The following RMND5A variants were observed in gnomAD, a reference collection of about 807,000 sequenced individuals.
The protein encoded by RMND5A is E3 ubiquitin-protein transferase RMND5A.
A neutral mutation model predicts 49.7 loss-of-function variants in RMND5A; 17 were observed. That is an observed-to-expected ratio of 0.34 (90% confidence interval 0.23 to 0.51). The LOEUF is 0.51. RMND5A is among the 20% of genes least tolerant of loss of function. The pLI is 0.96. For missense variants in RMND5A, 255 were observed against 471.3 expected, an observed-to-expected ratio of 0.54 and a Z score of 4.25; for synonymous variants, 156 against 167.7, an observed-to-expected ratio of 0.93 and a Z score of 0.54.
intron 1 of RMND5A, 148 bp downstream of exon 1, chr2:86,720,957 T>C (rs1281134759): frequency 2.6e-5 from 16 of 616,368 alleles, no homozygotes; most frequent in Non-Finnish European, 3.1e-5. Flanking sequence ...CCCCTGAGAC[T>C]TTTTCCCCTC....
At position 86,744,598 on chromosome 2, in the gene RMND5A, C is replaced by T. The variant is rs529754652; in HGVS notation, c.285+3529C>T. On this transcript the variant is annotated intron_variant, in intron 2 of 8. Transcript: ENST00000283632. ...GTATTTTTCCTTTTATATTTTAATA[C>T]TTATGTTTTAAAGTTCCCTACCTAT... Among the ~76,000 whole-genome samples the T allele has an allele frequency of 1.4e-4, 21 of 152,262 alleles. No homozygotes were observed. The South Asian group carries it at 4.4e-3, about 32-fold the overall frequency.
At chr2:86,769,098 T>C (rs1412103656) in intron 6 of RMND5A, among the ~76,000 whole-genome samples, 6 of 152,134 alleles carry the variant, frequency 3.9e-5, no homozygotes, top group African/African-American at 1.4e-4. Context: ...CTACCATACC[T>C]GGCTAATGGC....
chr2:86,765,096 G>A lies in RMND5A; in HGVS notation c.591G>A (p.Leu197=). The change falls in exon 5 of 9, where the codon CTG becomes CTA. Residue 197 remains leucine, a synonymous_variant. Coordinates refer to ENST00000283632, the MANE Select transcript of RMND5A (RefSeq NM_022780.4). ...NSSLEFKLHR[L]YFISLLMGGT... is the part of the protein sequence containing the mutation. Reference sequence around the variant, plus strand: ...CCTTGGAATTTAAGCTACACAGACTGTATTTTATTAGCTTGTTAATGGGTG... The same window carrying A: ...CCTTGGAATTTAAGCTACACAGACTATATTTTATTAGCTTGTTAATGGGTG... The A allele has an allele frequency of 1.2e-6, 2 of 1,614,074 alleles. No homozygotes were observed. The highest frequency in any genetic ancestry group is 1.7e-6 in the Non-Finnish European group (2 of 1,179,964).
intron 4 of RMND5A, 30 bp downstream of exon 4, chr2:86,753,588 A>G: frequency 8.8e-7 from 1 of 1,132,960 alleles, no homozygotes. Flanking sequence ...TCTTTTGAGT[A>G]CTTTGAGAAC....
Position 86,776,916 on chromosome 2 carries a change from G to C in RMND5A, c.*3505G>C, listed in dbSNP as rs896956898. 5.9e-5 allele frequency: 9 copies of C among 152,124 alleles called. No homozygotes were observed. Among genetic ancestry groups the C allele is most frequent in the Non-Finnish European group, 1.3e-4 (9 of 68,038 alleles). 9.4% of individuals were successfully genotyped at this position (152,124 alleles called of 1,614,324 possible). On this transcript the variant is annotated 3_prime_UTR_variant, in exon 9 of 9. Coordinates refer to ENST00000283632, the MANE Select transcript of RMND5A (RefSeq NM_022780.4). ...TTAGCAAGGAACACATAGAAGATTT[G>C]GTGTTTCATAAGCCTGTCTAGGTGT...
intron 4 of RMND5A, among the ~76,000 whole-genome samples, chr2:86,762,138 T>C (rs952366484): frequency 2.0e-5 from 3 of 152,154 alleles, no homozygotes; most frequent in African/African-American, 7.2e-5. Context: ...ACCTGGAAAA[T>C]ATAGGACAGC....
chr2:86,772,718 C>T (rs1672704332), intron 8 of RMND5A, among the ~76,000 whole-genome samples: 1 of 151,936 alleles, frequency 6.6e-6, no homozygotes, highest in South Asian at 2.1e-4. Flanking sequence ...CCTCAGCTTC[C>T]TGAGTAGCTG....
At chr2:86,757,174 C>CAAAAAAAAAAAAAAAAAAAAAAAAAAA (rs60710494) in intron 4 of RMND5A, among the ~76,000 whole-genome samples, 1 of 97,972 alleles carries the variant, frequency 1.0e-5, no homozygotes, top group Non-Finnish European at 2.0e-5. Context: ...AACTCAGTCT[C>CAAAAAAAAAAAAAAAAAAAAAAAAAAA]AAAAAAAAAA....
At chr2:86,762,099 A>G (rs1672497764) in intron 4 of RMND5A, among the ~76,000 whole-genome samples, 1 of 152,232 alleles carries the variant, frequency 6.6e-6, no homozygotes. Flanking sequence ...CTTTTAAAGT[A>G]TAAAATTAAT....
intron 2 of RMND5A, among the ~76,000 whole-genome samples, chr2:86,749,155 A>G (rs1368168374): frequency 6.6e-6 from 1 of 152,234 alleles, no homozygotes; most frequent in African/African-American, 2.4e-5. Context: ...AGAGACAGAA[A>G]GCAGTACCAT....
At chr2:86,767,915 C>T (rs1006348250) in intron 6 of RMND5A, among the ~76,000 whole-genome samples, 7 of 152,146 alleles carry the variant, frequency 4.6e-5, no homozygotes, top group South Asian at 2.1e-4. Flanking sequence ...ACCAGAAGAA[C>T]GTATCACAAT....
In RMND5A at chr2:86,777,821, T is replaced by A. The variant is rs1366269730; in HGVS notation, c.*4410T>A. 6.6e-6 allele frequency: 1 copy of A among 152,242 alleles called. No homozygotes were observed. Among genetic ancestry groups the A allele is most frequent in the Non-Finnish European group, 1.5e-5 (1 of 68,036 alleles). 9.4% of individuals were successfully genotyped at this position (152,242 alleles called of 1,614,324 possible). A position where few individuals can be genotyped will look rare whatever the true frequency, so the allele number is the denominator to read the frequency against. On this transcript the variant is annotated 3_prime_UTR_variant, in exon 9 of 9. Transcript: ENST00000283632. ...TAACACAAACCACATCCATATCCTC[T>A]GTTCATTTGATTTTGGAAAAAGTAG...
intron 4 of RMND5A, 124 bp from the exon 5 acceptor site, chr2:86,764,903 G>A (rs1672564596): frequency 1.2e-6 from 1 of 858,732 alleles, no homozygotes; most frequent in Admixed American, 3.0e-5. Flanking sequence ...AGGGATTGAT[G>A]TTACCATAGA....
chr2:86,752,032 TAACAGTGTGCC>T lies in RMND5A; in HGVS notation c.420+6_420+16del. The T allele has an allele frequency of 3.1e-6, 5 of 1,613,324 alleles. No homozygotes were observed. The highest frequency in any genetic ancestry group is 4.2e-6 in the Non-Finnish European group (5 of 1,179,634). ...GATGTGGCTGAGGAGCTCTGTCAGG[TAACAGTGTGCC>T]AACTGGGAGGATATGAAAAAGAAAC... On this transcript the variant is annotated splice_donor_5th_base_variant and intron_variant, in intron 3 of 8. Transcript: ENST00000283632.
At chr2:86,772,298 AC>A (rs1332445399) in intron 8 of RMND5A, among the ~76,000 whole-genome samples, 2 of 151,894 alleles carry the variant, frequency 1.3e-5, no homozygotes, top group African/African-American at 4.8e-5. Flanking sequence ...AAATACAAAA[AC>A]AAAAAATTAG....
At chr2:86,757,352 G>A (rs1230439567) in intron 4 of RMND5A, among the ~76,000 whole-genome samples, 1 of 152,128 alleles carries the variant, frequency 6.6e-6, no homozygotes, top group Non-Finnish European at 1.5e-5. Context: ...AGTTTGTACA[G>A]ATTTTCCCCC....
chr2:86,746,617 T>C (rs1681541775), intron 2 of RMND5A, among the ~76,000 whole-genome samples: 1 of 152,258 alleles, frequency 6.6e-6, no homozygotes, highest in Admixed American at 6.5e-5. Context: ...CTTTCTCAAC[T>C]GGAGTTCCTT....
rs1681624571 is a variant in RMND5A at position 86,750,987 on chromosome 2, C to CA, written c.286-908dup. Among the ~76,000 whole-genome samples the CA allele has an allele frequency of 2.0e-5, 3 of 152,050 alleles. 1 individual carries two copies. In the South Asian group the frequency reaches 6.2e-4, roughly 32 times the overall value. On this transcript the variant is annotated intron_variant, in intron 2 of 8. Coordinates refer to ENST00000283632, the MANE Select transcript of RMND5A (RefSeq NM_022780.4). ...ACTGCCCTAAAGTTTTGGATGGTTC[C>CA]AGCATCTCTGTCATGTTGGCATTGG...
At position 86,770,044 on chromosome 2, in the gene RMND5A, G is replaced by T. The variant is rs375806443; in HGVS notation, c.876G>T (p.Ala292=). The T allele has an allele frequency of 2.5e-6, 4 of 1,613,758 alleles. No individual in the cohort carries two copies. In the South Asian group the frequency reaches 4.4e-5, roughly 18 times the overall value. Reference sequence around the variant, plus strand: ...CCAGTTTCTCAGCAGGTTGTGTGGCGCTGCCAGCTTTAATTAACATCAAAG... The same window carrying T: ...CCAGTTTCTCAGCAGGTTGTGTGGCTCTGCCAGCTTTAATTAACATCAAAG... ...LSVSFSAGCV[A]LPALINIKAV... Residue 292 remains alanine (A), a synonymous_variant, in exon 7 of 9, where the codon GCG becomes GCT. Coordinates refer to ENST00000283632, the MANE Select transcript of RMND5A (RefSeq NM_022780.4).
Sources: gnomAD v4.1 joint callset for allele counts (sites outside exome capture counted in the v4.1 genomes callset) on GRCh38, gnomAD v4.1.1 for gene constraint, MANE v1.5 for transcripts, NCBI Gene and HGNC (gene_info 2026-07-23, HGNC 2026-07-21) for gene names.